Variants in CFAP20DC observed in about 807,000 individuals in gnomAD.
CFAP20DC encodes CFAP20 domain containing, also known as protein CFAP20DC.
A neutral mutation model predicts 101.7 loss-of-function variants in CFAP20DC; 84 were observed. That is an observed-to-expected ratio of 0.83 (90% CI 0.69 to 0.99). The LOEUF is 0.99. Among genes scored for constraint, CFAP20DC ranks in the 50% least tolerant of loss-of-function variants. CFAP20DC has a pLI of 0.00. For synonymous variants in CFAP20DC, 359 were observed against 351.2 expected (o/e 1.02, Z -0.25); for missense variants, 1,007 against 970.3 (o/e 1.04, Z -0.50).
In CFAP20DC at chr3:58,864,893, A is replaced by G. The variant is rs74578255; in HGVS notation, c.1259-1001T>C. Among the ~76,000 whole-genome samples the G allele has an allele frequency of 0.045, 6,812 of 152,276 alleles. 501 individuals are homozygous for G. The highest frequency in any genetic ancestry group is 0.16 in the African/African-American group (6,451 of 41,530). Reference sequence around the variant, plus strand: ...ACATTATTGTTTTCTTTAAAATACCATACACTACAGGGAAATATATATTTT... The same window carrying G: ...ACATTATTGTTTTCTTTAAAATACCGTACACTACAGGGAAATATATATTTT... On this transcript the variant is annotated intron_variant, in intron 11 of 16. Transcript: ENST00000482387. The surrounding 1 kb of genome is among the most constrained non-coding windows in gnomAD (Gnocchi z 4.7).
At position 59,007,834 on chromosome 3, in the gene CFAP20DC, A is replaced by G. The variant is rs1576685214; in HGVS notation, c.278+31723T>C. Among the ~76,000 whole-genome samples, 1 of 152,204 alleles carries G rather than the reference A, an allele frequency of 6.6e-6. No individual in the cohort carries two copies. Among genetic ancestry groups the G allele is most frequent in the Non-Finnish European group, 1.5e-5 (1 of 68,040 alleles). ...GAAGTGGGAGAGCACCCTATCAAGG[A>G]AAAACCCTGTGGGACAAAAAACTCT... On this transcript the variant is annotated intron_variant, in intron 4 of 16. Transcript: ENST00000482387. The surrounding 1 kb of genome is among the most constrained non-coding windows in gnomAD (Gnocchi z 4.4).
chr3:58,878,932 C>T (rs550108768), intron 7 of CFAP20DC, among the ~76,000 whole-genome samples: 35 of 151,544 alleles, frequency 2.3e-4, no homozygotes, highest in African/African-American at 8.0e-4. Context: ...GGCGTGAACC[C>T]GGGAGGCGGA....
rs2079864517 is a variant in CFAP20DC, at chr3:58,868,344, T to C, written c.1016-408A>G. Reference sequence around the variant, plus strand: ...TAGAGAGCAGCTTCCAAAAGAGCCCTGGAGAACTGAGGTCAAGCTGAAGAA... The same window carrying C: ...TAGAGAGCAGCTTCCAAAAGAGCCCCGGAGAACTGAGGTCAAGCTGAAGAA... On this transcript the variant is annotated intron_variant, in intron 9 of 16. Coordinates refer to ENST00000482387, the MANE Select transcript of CFAP20DC (RefSeq NM_001394063.1). This position sits in a 1 kb window ranked among gnomAD's most constrained non-coding sequence, Gnocchi z 4.6. Among the ~76,000 whole-genome samples the C allele has an allele frequency of 1.3e-5, 2 of 152,124 alleles. No individual in the cohort carries two copies. The highest frequency in any genetic ancestry group is 6.6e-5 in the Admixed American group (1 of 15,266).
chr3:58,820,791 T>C (rs1408754101), intron 14 of CFAP20DC, among the ~76,000 whole-genome samples: 5 of 146,976 alleles, frequency 3.4e-5, no homozygotes, highest in Non-Finnish European at 4.5e-5. Flanking sequence ...TGGAAAAAAC[T>C]ACTTTAAAGT....
At chr3:58,883,692 TGTGA>T in intron 7 of CFAP20DC, among the ~76,000 whole-genome samples, 1 of 152,340 alleles carries the variant, frequency 6.6e-6, no homozygotes, top group African/African-American at 2.4e-5. Context: ...CTTCAGTGTT[TGTGA>T]GTGTCACCTG....
intron 15 of CFAP20DC, among the ~76,000 whole-genome samples, chr3:58,759,751 A>G (rs2069356578): frequency 6.6e-6 from 1 of 152,200 alleles, no homozygotes; most frequent in Admixed American, 6.5e-5. Context: ...CTTTCTACAT[A>G]TGGCTAGCCA....
chr3:58,763,306 A>C (rs1177653344), intron 15 of CFAP20DC, among the ~76,000 whole-genome samples: 1 of 152,102 alleles, frequency 6.6e-6, no homozygotes, highest in Admixed American at 6.5e-5. Flanking sequence ...CATCACTGAC[A>C]CCCTTTCTTC....
chr3:58,777,253 C>T (rs1283541779), intron 15 of CFAP20DC, among the ~76,000 whole-genome samples: 2 of 152,178 alleles, frequency 1.3e-5, no homozygotes, highest in Non-Finnish European at 2.9e-5. Context: ...GCCCCCTCCC[C>T]GCTTTGTGTT....
intron 4 of CFAP20DC, among the ~76,000 whole-genome samples, chr3:58,963,190 T>TTTTGTG (rs374640126): frequency 8.5e-6 from 1 of 118,300 alleles, no homozygotes; most frequent in South Asian, 3.8e-4. Context: ...GTTCAGTAGT[T>TTTTGTG]TGTGTGTGTG....
chr3:58,816,181 T>A (rs1436899431), intron 14 of CFAP20DC, among the ~76,000 whole-genome samples: 3 of 151,888 alleles, frequency 2.0e-5, no homozygotes, highest in Non-Finnish European at 4.4e-5. Flanking sequence ...TATGCAGCCA[T>A]AAAAAATGAT....
At chr3:58,812,781 T>G (rs951151499) in intron 14 of CFAP20DC, among the ~76,000 whole-genome samples, 1 of 151,884 alleles carries the variant, frequency 6.6e-6, no homozygotes, top group Non-Finnish European at 1.5e-5. Flanking sequence ...CAGAGTGGTA[T>G]AAATGAGAAA....
chr3:58,769,976 C>A (rs2070694331), intron 15 of CFAP20DC, among the ~76,000 whole-genome samples: 1 of 152,174 alleles, frequency 6.6e-6, no homozygotes, highest in African/African-American at 2.4e-5. Flanking sequence ...GCTCAGTGCT[C>A]TAAGAAACCA....
intron 15 of CFAP20DC, among the ~76,000 whole-genome samples, chr3:58,785,532 A>G (rs1045289642): frequency 5.9e-5 from 9 of 152,134 alleles, no homozygotes; most frequent in African/African-American, 1.9e-4. Context: ...ACAAAAGATC[A>G]TATGTACTCC....
At chr3:58,791,619 A>G (rs1004792724) in intron 15 of CFAP20DC, among the ~76,000 whole-genome samples, 5 of 152,220 alleles carry the variant, frequency 3.3e-5, no homozygotes, top group Non-Finnish European at 5.9e-5. Context: ...CACAGTTAGC[A>G]ACTGTGTCAG....
rs780452484 is a variant in CFAP20DC, at chr3:58,953,941, A to T, written c.279-16179T>A. 8 of 152,248 alleles carry T rather than the reference A, an allele frequency of 5.3e-5. No individual in the cohort carries two copies. The South Asian group carries it at 1.0e-3, about 20-fold the overall frequency. 9.4% of individuals were successfully genotyped at this position (152,248 alleles called of 1,614,324 possible). ...GTTACATACGTAAGTGAGCATTCAC[A>T]GCTAAGGGTCAGCAATGTGATAGAA... On this transcript the variant is annotated intron_variant, in intron 4 of 16. Coordinates refer to ENST00000482387, the MANE Select transcript of CFAP20DC (RefSeq NM_001394063.1).
intron 3 of CFAP20DC, among the ~76,000 whole-genome samples, chr3:59,046,019 T>C (rs1699829013): frequency 6.6e-6 from 1 of 152,112 alleles, no homozygotes; most frequent in African/African-American, 2.4e-5. Flanking sequence ...TACTACTAGA[T>C]TTCTAGAAGA....
intron 5 of CFAP20DC, among the ~76,000 whole-genome samples, chr3:58,932,865 C>T (rs1483557212): frequency 1.3e-5 from 2 of 152,186 alleles, no homozygotes; most frequent in African/African-American, 4.8e-5. Context: ...ACTGCATCAA[C>T]TAATGAGCAA....
rs73840021 is a variant in CFAP20DC, at chr3:58,971,979, G to C, written c.279-34217C>G. On this transcript the variant is annotated intron_variant, in intron 4 of 16. Transcript: ENST00000482387. This position sits in a 1 kb window ranked among gnomAD's most constrained non-coding sequence, Gnocchi z 4.1. ...CTCCAAACTTTCTTATTATAGGTGT[G>C]GATTACTTTAATTCTGTATGCAATT... 0.018 allele frequency among the ~76,000 whole-genome samples: 2,727 copies of C among 151,914 alleles called. 68 individuals carry two copies. The highest frequency in any genetic ancestry group is 0.061 in the African/African-American group (2,539 of 41,404).
intron 4 of CFAP20DC, among the ~76,000 whole-genome samples, chr3:58,972,740 A>C (rs964621620): frequency 6.6e-6 from 1 of 152,198 alleles, no homozygotes; most frequent in East Asian, 1.9e-4. Flanking sequence ...ACTCAGTTCT[A>C]TACTCAATTT....
Sources: allele counts gnomAD v4.1 joint callset (sites outside exome capture counted in the v4.1 genomes callset), GRCh38; gene constraint gnomAD v4.1.1; non-coding constraint Gnocchi (gnomAD v3.1); transcripts MANE v1.5; gene names NCBI Gene and HGNC (gene_info 2026-07-23, HGNC 2026-07-21).